The following ORC2 variants were observed in gnomAD, a reference collection of about 807,000 sequenced individuals.
ORC2 encodes the protein origin recognition complex protein 2 homolog.
A neutral mutation model predicts 77.7 loss-of-function variants in ORC2; 37 were observed. That is an observed-to-expected ratio of 0.48 (90% CI 0.37 to 0.63). ORC2 has a LOEUF of 0.63. Ranked by LOEUF, ORC2 falls within the 20% of genes least tolerant of loss-of-function variation. The pLI is 0.00. For missense variants in ORC2, 557 were observed against 661.9 expected, an observed-to-expected ratio of 0.84 and a Z score of 1.74; for synonymous variants, 201 against 229.5, an observed-to-expected ratio of 0.88 and a Z score of 1.12.
chr2:200,912,764 T>A (rs528607503), intron 17 of ORC2, among the ~76,000 whole-genome samples: 1 of 152,318 alleles, frequency 6.6e-6, no homozygotes, highest in South Asian at 2.1e-4. Flanking sequence ...TCTTCTGATA[T>A]CTATCCATAA....
At position 200,957,504 on chromosome 2, in the gene ORC2, G is replaced by A; in HGVS notation, c.135C>T (p.Asn45=). ...LKKERAQLLV[N]PKKIIKKPEY... Reference sequence around the variant, plus strand: ...CTGGCTTCTTTATTATTTTTTTGGGGTTGACCAAAAGCTGCGCTCGCTCCT... The same window carrying A: ...CTGGCTTCTTTATTATTTTTTTGGGATTGACCAAAAGCTGCGCTCGCTCCT... The change falls in exon 4 of 18, where the codon AAC becomes AAT. Residue 45 remains asparagine (N), a synonymous_variant. Transcript: ENST00000234296. The A allele has an allele frequency of 6.2e-7, 1 of 1,609,576 alleles. No homozygotes were observed. The highest frequency in any genetic ancestry group is 1.1e-5 in the South Asian group (1 of 90,566).
intron 10 of ORC2, 148 bp from the exon 11 acceptor site, chr2:200,931,596 C>G (rs538479647): frequency 1.4e-5 from 6 of 425,460 alleles, no homozygotes; most frequent in Non-Finnish European, 1.3e-5. Flanking sequence ...GTATATCAAC[C>G]GATAAACAAA....
Position 200,920,377 on chromosome 2 carries a change from C to T in ORC2, c.1311G>A (p.Lys437=), listed in dbSNP as rs768789117. 6.2e-7 allele frequency: 1 copy of T among 1,600,868 alleles called. No individual in the cohort carries two copies. The highest frequency in any genetic ancestry group is 1.1e-5 in the South Asian group (1 of 88,756). Residue 437 remains lysine (K), a synonymous_variant, in exon 15 of 18, where the codon AAG becomes AAA. Coordinates refer to ENST00000234296, the MANE Select transcript of ORC2 (RefSeq NM_006190.5). The part of the protein sequence containing the change: ...LNAPLMWDHA[K]QSLFNWLWYE... ...ACCAGAGCCAGTTAAAAAGACTCTG[C>T]TTTGCATGATCCCACACTAGCACAT...
At chr2:200,946,117 T>C (rs970318981) in intron 5 of ORC2, among the ~76,000 whole-genome samples, 19 of 152,288 alleles carry the variant, frequency 1.2e-4, no homozygotes, top group African/African-American at 4.3e-4. Context: ...TCTAGCCCTA[T>C]ATCTTGGTTA....
At chr2:200,928,819 A>C (rs1198393636) in intron 11 of ORC2, among the ~76,000 whole-genome samples, 1 of 151,844 alleles carries the variant, frequency 6.6e-6, no homozygotes, top group East Asian at 1.9e-4. Context: ...GTCTCAAAAA[A>C]AAAAACAACA....
intron 5 of ORC2, among the ~76,000 whole-genome samples, chr2:200,944,062 G>T (rs1031848519): frequency 1.3e-5 from 2 of 151,978 alleles, no homozygotes; most frequent in African/African-American, 4.8e-5. Flanking sequence ...AGATCATTTT[G>T]GTGTTATACT....
chr2:200,959,361 G>C (rs1302280927), intron 2 of ORC2, 31 bp downstream of exon 2: 1 of 152,162 alleles, frequency 6.6e-6, no homozygotes, highest in African/African-American at 2.4e-5. Context: ...CAAGCAACAT[G>C]CTTAAATGAC....
In ORC2 at chr2:200,920,931, T is replaced by A. The variant is rs571500279; in HGVS notation, c.1294+62A>T. 9 of 1,206,332 alleles carry A rather than the reference T, an allele frequency of 7.5e-6. No individual in the cohort carries two copies. In the East Asian group the frequency reaches 2.0e-4, roughly 26 times the overall value. 74.7% of individuals were successfully genotyped at this position (1,206,332 alleles called of 1,614,324 possible). ...ACAGTAAAAATTTTCTGATTTATAT[T>A]AATAGAATTTGTCTTGTAAGACTGA... On this transcript the variant is annotated intron_variant, in intron 14 of 17. Coordinates refer to ENST00000234296, the MANE Select transcript of ORC2 (RefSeq NM_006190.5).
intron 15 of ORC2, among the ~76,000 whole-genome samples, chr2:200,917,434 G>A (rs2040676339): frequency 6.6e-6 from 1 of 152,154 alleles, no homozygotes; most frequent in Non-Finnish European, 1.5e-5. Flanking sequence ...TTATAGGGGT[G>A]AGCCACTATG....
At chr2:200,954,907 T>TG (rs2041440159) in intron 4 of ORC2, among the ~76,000 whole-genome samples, 3 of 59,860 alleles carry the variant, frequency 5.0e-5, no homozygotes, top group South Asian at 4.0e-4. Flanking sequence ...AATGAATGAA[T>TG]AAATAAATAA....
At chr2:200,919,939 A>G (rs1323484808) in intron 15 of ORC2, among the ~76,000 whole-genome samples, 1 of 152,200 alleles carries the variant, frequency 6.6e-6, no homozygotes, top group African/African-American at 2.4e-5. Flanking sequence ...TTTAAGTAAA[A>G]GTCATGAAAA....
intron 6 of ORC2, 131 bp from the exon 7 acceptor site, chr2:200,941,410 G>T: frequency 1.5e-6 from 1 of 670,958 alleles, no homozygotes; most frequent in Non-Finnish European, 2.5e-6. Flanking sequence ...TGGGAGGCAA[G>T]GCAGGAAGAT....
chr2:200,930,150 C>T (rs986002034), intron 11 of ORC2, among the ~76,000 whole-genome samples: 2 of 151,568 alleles, frequency 1.3e-5, no homozygotes, highest in African/African-American at 4.9e-5. Flanking sequence ...TTACAAAGGT[C>T]AAGCAGAAAC....
intron 11 of ORC2, among the ~76,000 whole-genome samples, chr2:200,928,588 C>T (rs1298341581): frequency 9.9e-5 from 15 of 151,642 alleles, no homozygotes; most frequent in African/African-American, 2.4e-4. Flanking sequence ...CCGAGGCGGG[C>T]GGATCACGAG....
At chr2:200,943,838 C>T (rs1175670817) in intron 5 of ORC2, among the ~76,000 whole-genome samples, 3 of 149,218 alleles carry the variant, frequency 2.0e-5, no homozygotes, top group African/African-American at 7.4e-5. Flanking sequence ...GATATTAATT[C>T]CTCCATTTGA....
At chr2:200,950,003 T>C (rs2041321564) in intron 4 of ORC2, among the ~76,000 whole-genome samples, 1 of 152,078 alleles carries the variant, frequency 6.6e-6, no homozygotes, top group Admixed American at 6.5e-5. Flanking sequence ...AAAAGTACAA[T>C]TGTTGAGGTT....
intron 10 of ORC2, among the ~76,000 whole-genome samples, chr2:200,932,251 C>T (rs1018469544): frequency 3.6e-4 from 54 of 151,314 alleles, no homozygotes; most frequent in African/African-American, 1.3e-3. Context: ...TTCCAGCAGT[C>T]ATTTACACTA....
chr2:200,961,753 G>A (rs2041578785), intron 1 of ORC2, among the ~76,000 whole-genome samples: 1 of 152,148 alleles, frequency 6.6e-6, no homozygotes, highest in East Asian at 1.9e-4. Flanking sequence ...ATTTATAAAT[G>A]CTAATAGGGA....
rs1450903686 is a variant in ORC2, at chr2:200,933,922, G to A, written c.761C>T (p.Thr254Ile). ...FEAHSSSKVL[T>I]SDRTLQKLKR... ...TAGCTTCTGCAGTGTTCTATCAGAG[G>A]TTAAAACTTTTGAACTGCTGTGAGC... Residue 254 changes from threonine (T) to isoleucine (I), a missense_variant, in exon 10 of 18, where the codon ACC (threonine) becomes ATC (isoleucine). By Grantham distance (89) the Thr-to-Ile change is moderately conservative. Transcript: ENST00000234296. 1.9e-6 allele frequency: 3 copies of A among 1,611,568 alleles called. No individual in the cohort carries two copies. The South Asian group carries it at 3.3e-5, about 18-fold the overall frequency.
Sources: allele counts gnomAD v4.1 joint callset (sites outside exome capture counted in the v4.1 genomes callset), GRCh38; gene constraint gnomAD v4.1.1; transcripts MANE v1.5; gene names NCBI Gene and HGNC (gene_info 2026-07-23, HGNC 2026-07-21).